The following GMCL1 variants were observed in gnomAD, a reference collection of about 807,000 sequenced individuals.
GMCL1 encodes the protein germ cell-less protein-like 1.
A neutral mutation model predicts 75.5 loss-of-function variants in GMCL1; 54 were observed. The observed-to-expected ratio is 0.71, with a 90% CI of 0.57 to 0.90. GMCL1 has a LOEUF of 0.90. GMCL1 is among the 40% of genes least tolerant of loss of function. The probability of loss-of-function intolerance (pLI) is 0.00; values close to 1 mark genes in which losing one functional copy is unlikely to be tolerated. For synonymous variants in GMCL1, 210 were observed against 209.6 expected, an observed-to-expected ratio of 1.00 and a Z score of -0.02; for missense variants, 537 against 622.7, an observed-to-expected ratio of 0.86 and a Z score of 1.47.
intron 9 of GMCL1, among the ~76,000 whole-genome samples, chr2:69,859,359 G>A (rs2104009470): frequency 6.6e-6 from 1 of 151,508 alleles, no homozygotes; most frequent in South Asian, 2.1e-4. Flanking sequence ...AAATATATGT[G>A]TGTATGTGTG....
chr2:69,860,607 A>C (rs961220838), intron 9 of GMCL1, among the ~76,000 whole-genome samples: 1 of 152,194 alleles, frequency 6.6e-6, no homozygotes, highest in Non-Finnish European at 1.5e-5. Flanking sequence ...AACACTAAAA[A>C]TATAGTTTCA....
chr2:69,868,604 G>A (rs1370848214), intron 11 of GMCL1, among the ~76,000 whole-genome samples: 2 of 149,788 alleles, frequency 1.3e-5, no homozygotes, highest in Admixed American at 1.3e-4. Flanking sequence ...GTAGAGATGG[G>A]GTTTCGCCAT....
chr2:69,865,470 A>G (rs1015741818), intron 11 of GMCL1, among the ~76,000 whole-genome samples: 2 of 152,140 alleles, frequency 1.3e-5, no homozygotes, highest in Non-Finnish European at 2.9e-5. Context: ...CAACATGGTG[A>G]AACCCCATCT....
At chr2:69,856,318 T>C (rs1040803899) in intron 9 of GMCL1, among the ~76,000 whole-genome samples, 1 of 152,098 alleles carries the variant, frequency 6.6e-6, no homozygotes, top group Admixed American at 6.5e-5. Flanking sequence ...GTTAGGCGTT[T>C]GGCAATATGG....
At chr2:69,863,728 T>C (rs1376436647) in intron 10 of GMCL1, among the ~76,000 whole-genome samples, 2 of 152,230 alleles carry the variant, frequency 1.3e-5, no homozygotes, top group Non-Finnish European at 2.9e-5. Flanking sequence ...GTTGAAACTT[T>C]TTAGCATGAT....
chr2:69,847,589 A>T lies in GMCL1; in HGVS notation c.805A>T (p.Met269Leu), dbSNP rs115707653. 7.1e-5 allele frequency: 115 copies of T among 1,610,998 alleles called. No individual in the cohort carries two copies. The African/African-American group carries it at 1.5e-3, about 20-fold the overall frequency. ...CATTGGTTCATCTAACTTATTTGTGATGCAAGTGGAGATGGATATATACAC... is the reference window on the plus strand; with the variant it reads ...CATTGGTTCATCTAACTTATTTGTGTTGCAAGTGGAGATGGATATATACAC... ...QLIGSSNLFVMQVEMDIYTAL... is the reference protein window; with the variant it reads ...QLIGSSNLFVLQVEMDIYTAL... Residue 269 changes from methionine to leucine, a missense_variant, in exon 7 of 14, where the codon ATG becomes TTG. Around this residue, in one of 3 missense-constraint regions of GMCL1, gnomAD observed 345 missense variants for 410.5 expected, o/e 0.84. Transcript: ENST00000282570.
chr2:69,859,742 T>TAAAAAAAAAAAAGAAAAAAAAA (rs1675585866), intron 9 of GMCL1, among the ~76,000 whole-genome samples: 1 of 79,136 alleles, frequency 1.3e-5, no homozygotes, highest in Non-Finnish European at 2.3e-5. Context: ...TCTCTCTCTC[T>TAAAAAAAAAAAAGAAAAAAAAA]AAAAAAAAAA....
chr2:69,851,258 A>G (rs1181064313), intron 8 of GMCL1, among the ~76,000 whole-genome samples: 1 of 152,054 alleles, frequency 6.6e-6, no homozygotes, highest in Non-Finnish European at 1.5e-5. Flanking sequence ...GCAACATATC[A>G]AGACCCTGTC....
At chr2:69,835,983 C>G (rs1421171846) in intron 1 of GMCL1, among the ~76,000 whole-genome samples, 2 of 152,160 alleles carry the variant, frequency 1.3e-5, no homozygotes, top group Non-Finnish European at 2.9e-5. Flanking sequence ...CTTCCATTAG[C>G]TTTGTGCTAT....
intron 2 of GMCL1, among the ~76,000 whole-genome samples, chr2:69,838,803 T>G (rs1341590809): frequency 1.3e-5 from 2 of 152,220 alleles, no homozygotes; most frequent in Admixed American, 6.5e-5. Flanking sequence ...TGTATTATAA[T>G]TCAAGCCACA....
intron 1 of GMCL1, among the ~76,000 whole-genome samples, chr2:69,836,645 T>C (rs1391165227): frequency 6.6e-6 from 1 of 152,212 alleles, no homozygotes; most frequent in Non-Finnish European, 1.5e-5. Flanking sequence ...ATTGAAGGTT[T>C]TATGTGCTAG....
intron 2 of GMCL1, among the ~76,000 whole-genome samples, chr2:69,838,027 A>G (rs1398215975): frequency 6.6e-6 from 1 of 152,104 alleles, no homozygotes; most frequent in Non-Finnish European, 1.5e-5. Flanking sequence ...AATTGGATAA[A>G]CTCATCTGAA....
intron 6 of GMCL1, chr2:69,844,686 A>T (rs2103968743): frequency 6.2e-6 from 1 of 161,238 alleles, no homozygotes; most frequent in East Asian, 1.8e-4. Flanking sequence ...CACACCTTGA[A>T]TCCAAATCTG....
intron 11 of GMCL1, among the ~76,000 whole-genome samples, chr2:69,867,102 G>A (rs531591861): frequency 1.1e-4 from 16 of 151,738 alleles, no homozygotes; most frequent in African/African-American, 3.1e-4. Context: ...GCACCACCAC[G>A]CCTGGCTAAT....
chr2:69,866,395 G>C (rs949563442), intron 11 of GMCL1, among the ~76,000 whole-genome samples: 5 of 151,636 alleles, frequency 3.3e-5, no homozygotes, highest in African/African-American at 1.2e-4. Context: ...ATACCTATTT[G>C]GTTATTTCTC....
At position 69,843,157 on chromosome 2, in the gene GMCL1, A is replaced by G; in HGVS notation, c.588A>G (p.Leu196=). 2.5e-6 allele frequency: 4 copies of G among 1,605,428 alleles called. No individual in the cohort carries two copies. Among genetic ancestry groups the G allele is most frequent in the Non-Finnish European group, 3.4e-6 (4 of 1,172,586 alleles). The part of the protein sequence containing the change: ...AAACLLQLDG[L]IQQCGETMKE... The stretch of plus-strand genomic sequence containing the variant: ...CTTATTTATATTTACAGGACGGTTT[A>G]ATACAGCAGTGTGGTGAGACAATGA... Residue 196 remains leucine (L), a synonymous_variant, in exon 5 of 14, where the codon TTA becomes TTG. Coordinates refer to ENST00000282570, the MANE Select transcript of GMCL1 (RefSeq NM_178439.5).
chr2:69,872,640 A>G (rs986496164), intron 13 of GMCL1, among the ~76,000 whole-genome samples: 7 of 152,216 alleles, frequency 4.6e-5, no homozygotes, highest in African/African-American at 1.7e-4. Flanking sequence ...CAGCATTCTT[A>G]CAGAGGGGGT....
chr2:69,843,216 A>G lies in GMCL1; in HGVS notation c.647A>G (p.Tyr216Cys), dbSNP rs1271521877. ...GTTAATGTGAAAACTGTATGTGGCT[A>G]TTACACATCAGCAGGGACCTATGGA... ...ETVNVKTVCG[Y>C]YTSAGTYGLD... Residue 216 changes from tyrosine (Y) to cysteine (C), a missense_variant, in exon 5 of 14, where the codon TAT becomes TGT. Tyr to Cys is a radical substitution (Grantham distance 194). Around this residue, in one of 3 missense-constraint regions of GMCL1, gnomAD observed 345 missense variants for 410.5 expected, o/e 0.84. Coordinates refer to ENST00000282570, the MANE Select transcript of GMCL1 (RefSeq NM_178439.5). The G allele has an allele frequency of 6.2e-7, 1 of 1,610,558 alleles. No individual in the cohort carries two copies. The highest frequency in any genetic ancestry group is 8.5e-7 in the Non-Finnish European group (1 of 1,176,884).
chr2:69,852,477 T>TATTTATATA (rs368537197), intron 8 of GMCL1, among the ~76,000 whole-genome samples: 10,367 of 152,190 alleles, frequency 0.068, 936 homozygotes, highest in Admixed American at 0.22. Context: ...GATGCATACT[T>TATTTATATA]AGGAAATAGG....
Sources: gnomAD v4.1 joint callset for allele counts (sites outside exome capture counted in the v4.1 genomes callset) on GRCh38, gnomAD v4.1.1 for gene constraint, gnomAD v4.1.1 regional missense constraint, MANE v1.5 for transcripts, NCBI Gene and HGNC (gene_info 2026-07-23, HGNC 2026-07-21) for gene names.